Variants in COLGALT2 observed in about 807,000 individuals in gnomAD.
The protein encoded by COLGALT2 is procollagen galactosyltransferase 2.
Under a neutral mutation model 73.4 loss-of-function variants are expected in COLGALT2, and 49 were observed. That is an observed-to-expected ratio of 0.67 (90% confidence interval 0.53 to 0.85). The LOEUF (loss-of-function observed/expected upper bound fraction) is 0.85. COLGALT2 is among the 40% of genes least tolerant of loss of function. COLGALT2 has a pLI of 0.00. For synonymous variants in COLGALT2, 295 were observed against 307.6 expected, an observed-to-expected ratio of 0.96 and a Z score of 0.43; for missense variants, 722 against 790.2, an observed-to-expected ratio of 0.91 and a Z score of 1.03.
At chr1:184,021,960 T>G (rs968432888) in intron 1 of COLGALT2, among the ~76,000 whole-genome samples, 1 of 152,214 alleles carries the variant, frequency 6.6e-6, no homozygotes, top group Non-Finnish European at 1.5e-5. Context: ...TGATCTCACT[T>G]GTTAACAGTT....
At chr1:183,960,562 T>C (rs1276416882) in intron 6 of COLGALT2, among the ~76,000 whole-genome samples, 1 of 152,220 alleles carries the variant, frequency 6.6e-6, no homozygotes, top group Non-Finnish European at 1.5e-5. Context: ...AGAGAATTGA[T>C]CATAAAATGT....
chr1:183,972,336 G>T lies in COLGALT2; in HGVS notation c.627+1280C>A, dbSNP rs546678525. ...TTGCTCATGTTGGTCTCAAACTCCT[G>T]GGTTCAAGTAATTGTCCTACCTCAG... On this transcript the variant is annotated intron_variant, in intron 4 of 11. Transcript: ENST00000361927. 2.6e-5 allele frequency among the ~76,000 whole-genome samples: 4 copies of T among 152,246 alleles called. No homozygotes were observed. In the South Asian group the frequency reaches 8.3e-4, roughly 32 times the overall value.
intron 1 of COLGALT2, among the ~76,000 whole-genome samples, chr1:184,033,946 T>C (rs574423686): frequency 1.3e-5 from 2 of 152,366 alleles, no homozygotes; most frequent in South Asian, 4.1e-4. Context: ...CTCACAGCCA[T>C]TTTTGACATC....
chr1:183,971,071 A>G (rs1353595900), intron 4 of COLGALT2, among the ~76,000 whole-genome samples: 2 of 152,216 alleles, frequency 1.3e-5, no homozygotes, highest in African/African-American at 4.8e-5. Context: ...GGAAGGAAGC[A>G]GGGAGAGTGA....
intron 8 of COLGALT2, among the ~76,000 whole-genome samples, chr1:183,949,144 C>A (rs188497642): frequency 6.6e-6 from 1 of 152,102 alleles, no homozygotes; most frequent in East Asian, 1.9e-4. Context: ...ATTGTTAACA[C>A]GGAAATATTC....
intron 1 of COLGALT2, among the ~76,000 whole-genome samples, chr1:183,990,204 G>T (rs1201302974): frequency 6.6e-6 from 1 of 152,200 alleles, no homozygotes; most frequent in African/African-American, 2.4e-5. Flanking sequence ...TAGGCTCAAT[G>T]ACAGCAGAGA....
rs117385582 is a variant in COLGALT2, at chr1:184,033,909, G to A, written c.263+3186C>T. Among the ~76,000 whole-genome samples the A allele has an allele frequency of 9.2e-5, 14 of 152,294 alleles. No homozygotes were observed. The East Asian group carries it at 1.7e-3, about 19-fold the overall frequency. On this transcript the variant is annotated intron_variant, in intron 1 of 11. Transcript: ENST00000361927. ...TTCTGTGTGGCTCTGTATTCACTGC[G>A]GTTCTATTTTACAAAGTTCTGGGTA...
In COLGALT2 at chr1:183,945,479, T is replaced by C. The variant is rs1670223566; in HGVS notation, c.1222A>G (p.Arg408Gly). ...CTGAGAAAGCAGCCGATTTCACCCC[T>C]TGTTAGAGGCCTGGAGGAATAGGGA... ...RDPYSSRPLTRGEIGCFLSHY... is the reference protein window; with the variant it reads ...RDPYSSRPLTGGEIGCFLSHY... The change falls in exon 9 of 12, where the codon AGG becomes GGG. Residue 408 changes from arginine to glycine, a missense_variant. By Grantham distance (125) the Arg-to-Gly change is moderately radical (BLOSUM62 -2). Transcript: ENST00000361927. 1 of 1,614,072 alleles carries C rather than the reference T, an allele frequency of 6.2e-7. No homozygotes were observed. The highest frequency in any genetic ancestry group is 8.5e-7 in the Non-Finnish European group (1 of 1,180,026).
At chr1:184,021,612 G>A (rs10911494) in intron 1 of COLGALT2, among the ~76,000 whole-genome samples, 82,922 of 151,986 alleles carry the variant, frequency 0.55, 24,147 homozygotes, top group African/African-American at 0.77. Flanking sequence ...CCATGAGCCA[G>A]TGAATTCTGT....
chr1:183,970,631 T>G (rs564093767), intron 4 of COLGALT2, among the ~76,000 whole-genome samples: 1 of 152,332 alleles, frequency 6.6e-6, no homozygotes, highest in South Asian at 2.1e-4. Flanking sequence ...CAGAGTCATC[T>G]TAATCACCTT....
At chr1:183,966,805 A>G (rs762528746) in intron 5 of COLGALT2, among the ~76,000 whole-genome samples, 5 of 152,174 alleles carry the variant, frequency 3.3e-5, no homozygotes, top group Admixed American at 6.5e-5. Flanking sequence ...GCCTATGACC[A>G]TATGTGCTCT....
chr1:183,979,083 T>A (rs1558323451), intron 1 of COLGALT2, among the ~76,000 whole-genome samples: 1 of 152,226 alleles, frequency 6.6e-6, no homozygotes. Flanking sequence ...TTATCTATTT[T>A]GGATTAACTT....
At chr1:183,939,063 C>T (rs1670040595) in intron 11 of COLGALT2, 26 bp from the exon 12 acceptor site, 5 of 1,581,354 alleles carry the variant, frequency 3.2e-6, no homozygotes, top group Non-Finnish European at 4.3e-6. Flanking sequence ...TGGCCGGACA[C>T]ATGAGGGGGC....
At chr1:183,983,346 C>T (rs1671403256) in intron 1 of COLGALT2, among the ~76,000 whole-genome samples, 1 of 152,192 alleles carries the variant, frequency 6.6e-6, no homozygotes, top group African/African-American at 2.4e-5. Flanking sequence ...GACTAAGTTT[C>T]CCTGCTCCTC....
chr1:183,946,338 G>A (rs191332592), intron 8 of COLGALT2: 12 of 152,332 alleles, frequency 7.9e-5, no homozygotes, highest in Admixed American at 7.8e-4. Flanking sequence ...TCCATAGGGA[G>A]TTTGATTTGC....
rs984438301 is a variant in COLGALT2 at position 183,937,689 on chromosome 1, G to T, written c.*1072C>A. On this transcript the variant is annotated 3_prime_UTR_variant, in exon 12 of 12. Transcript: ENST00000361927. The stretch of plus-strand genomic sequence containing the variant: ...ATGTGTCCACACCCACCACTCCCCC[G>T]GGTGCCGTGGAAGTCTGCAACATCT... The T allele has an allele frequency of 6.1e-6, 6 of 985,280 alleles. No individual in the cohort carries two copies. The African/African-American group carries it at 7.0e-5, about 11-fold the overall frequency. The allele number at this position is 985,280 out of a possible 1,614,324, so 61.0% of individuals were successfully genotyped here.
chr1:183,988,547 G>C (rs777558410), intron 1 of COLGALT2, among the ~76,000 whole-genome samples: 3 of 152,094 alleles, frequency 2.0e-5, no homozygotes, highest in Non-Finnish European at 2.9e-5. Flanking sequence ...TGTCCCTATG[G>C]ATTTGCCTAT....
chr1:183,954,530 G>T (rs1029707441), intron 7 of COLGALT2, among the ~76,000 whole-genome samples: 2 of 152,162 alleles, frequency 1.3e-5, no homozygotes, highest in Non-Finnish European at 2.9e-5. Context: ...TTACTAAATG[G>T]TAATTTCTTT....
At chr1:183,975,304 A>C in intron 2 of COLGALT2, 90 bp from the exon 3 acceptor site, 1 of 722,942 alleles carries the variant, frequency 1.4e-6, no homozygotes, top group Non-Finnish European at 2.3e-6. Flanking sequence ...TTAATCTTCT[A>C]TCAATCCCAG....
Sources: allele counts gnomAD v4.1 joint callset (sites outside exome capture counted in the v4.1 genomes callset), GRCh38; gene constraint gnomAD v4.1.1; transcripts MANE v1.5; gene names NCBI Gene and HGNC (gene_info 2026-07-23, HGNC 2026-07-21).